Variants in MOBP observed in about 807,000 individuals in gnomAD.
MOBP encodes the protein myelin associated oligodendrocyte basic protein.
In MOBP, 5 loss-of-function variants were observed where a neutral mutation model predicts 15.0. That is an observed-to-expected ratio of 0.33 (90% confidence interval 0.17 to 0.70). The LOEUF is 0.70. Among genes scored for constraint, MOBP ranks in the 30% least tolerant of loss-of-function variants. The probability of loss-of-function intolerance (pLI) is 0.67; values close to 1 mark genes in which losing one functional copy is unlikely to be tolerated. For missense variants in MOBP, 188 were observed against 257.8 expected, an observed-to-expected ratio of 0.73 and a Z score of 1.85; for synonymous variants, 88 against 99.0, an observed-to-expected ratio of 0.89 and a Z score of 0.66.
chr3:39,494,503 AGT>A (rs1244641448), intron 2 of MOBP, among the ~76,000 whole-genome samples: 1 of 151,824 alleles, frequency 6.6e-6, no homozygotes, highest in Non-Finnish European at 1.5e-5. Flanking sequence ...GAGAGTTCAT[AGT>A]TATCTTTGCT....
At chr3:39,525,876 A>G (rs1230545985), downstream of MOBP, 1 of 152,332 alleles carries the variant, frequency 6.6e-6, no homozygotes, top group Non-Finnish European at 1.5e-5. Context: ...TCCAATATAA[A>G]GGCAGGGAAA....
chr3:39,484,547 A>C (rs890800883), intron 2 of MOBP, among the ~76,000 whole-genome samples: 3 of 152,192 alleles, frequency 2.0e-5, no homozygotes, highest in Non-Finnish European at 4.4e-5. Context: ...CCTGTAGAAA[A>C]TTGTGGGAAT....
intron 2 of MOBP, among the ~76,000 whole-genome samples, chr3:39,489,303 T>G (rs1364137854): frequency 6.6e-6 from 1 of 152,232 alleles, no homozygotes; most frequent in African/African-American, 2.4e-5. Context: ...CAGTCATACA[T>G]TGGATATACT....
downstream of MOBP, chr3:39,525,986 A>G (rs574066044): frequency 1.7e-4 from 26 of 152,424 alleles, no homozygotes; most frequent in African/African-American, 5.5e-4. Flanking sequence ...AGTGTTTCCA[A>G]TGATGGGATA....
chr3:39,502,431 T>TG lies in MOBP; in HGVS notation c.207-99dup. 6.6e-7 allele frequency: 1 copy of TG among 1,522,798 alleles called. No individual in the cohort carries two copies. The highest frequency in any genetic ancestry group is 8.8e-7 in the Non-Finnish European group (1 of 1,139,970). 94.3% of individuals were successfully genotyped at this position (1,522,798 alleles called of 1,614,324 possible). On this transcript the variant is annotated intron_variant, in intron 3 of 3. Coordinates refer to ENST00000684792, the MANE Select transcript of MOBP (RefSeq NM_001393704.1). The surrounding 1 kb of genome is among the most constrained non-coding windows in gnomAD (Gnocchi z 6.3). Reference sequence around the variant, plus strand: ...CACTCCAGGGAGACTGGAAGGTGGGTGGGGGAGCAGGGCCTTCCTACCTGT... The same window carrying TG: ...CACTCCAGGGAGACTGGAAGGTGGGTGGGGGGAGCAGGGCCTTCCTACCTGT...
chr3:39,523,383 C>T (rs1410660096), intron 3 of MOBP, among the ~76,000 whole-genome samples: 1 of 152,042 alleles, frequency 6.6e-6, no homozygotes, highest in East Asian at 1.9e-4. Flanking sequence ...TGATCATTGA[C>T]ATTGCCATAT....
chr3:39,469,018 ATG>A (rs1405520867), intron 1 of MOBP, among the ~76,000 whole-genome samples: 3 of 69,862 alleles, frequency 4.3e-5, no homozygotes, highest in African/African-American at 1.4e-4. Context: ...ATATATACAT[ATG>A]TGTGTATATA....
chr3:39,528,293 G>T (rs1427992882), downstream of MOBP: 1 of 152,180 alleles, frequency 6.6e-6, no homozygotes, highest in African/African-American at 2.4e-5. Flanking sequence ...TATGGAACAA[G>T]CTTATTTGTA....
At chr3:39,527,232 GCCCTCTGTGAA>G (rs933931348), downstream of MOBP, 3 of 152,072 alleles carry the variant, frequency 2.0e-5, no homozygotes, top group African/African-American at 7.2e-5. Flanking sequence ...TATATCCATG[GCCCTCTGTGAA>G]GCTAGAGTTT....
At chr3:39,477,507 C>G (rs552258117) in intron 1 of MOBP, among the ~76,000 whole-genome samples, 1 of 151,724 alleles carries the variant, frequency 6.6e-6, no homozygotes, top group Admixed American at 6.6e-5. Flanking sequence ...CAATTATGTA[C>G]AGTACATAAT....
intron 4 of MOBP, among the ~76,000 whole-genome samples, chr3:39,511,232 C>A (rs2043115471): frequency 6.6e-6 from 1 of 152,190 alleles, no homozygotes; most frequent in Admixed American, 6.5e-5. Flanking sequence ...GGGACAATCT[C>A]AGTCTTGGAG....
chr3:39,506,141 T>A (rs1462987398), downstream of MOBP, among the ~76,000 whole-genome samples: 3 of 152,112 alleles, frequency 2.0e-5, no homozygotes, highest in African/African-American at 7.2e-5. Flanking sequence ...CACTTCAGCC[T>A]TTGTATCTTG....
intron 2 of MOBP, among the ~76,000 whole-genome samples, chr3:39,494,796 C>CCA (rs1553618302): frequency 0.067 from 7,788 of 116,616 alleles, 518 homozygotes; most frequent in Non-Finnish European, 0.095. Flanking sequence ...CCCCCCGCCC[C>CCA]CCGAGTTACG....
chr3:39,493,859 G>A (rs543061499), intron 2 of MOBP, among the ~76,000 whole-genome samples: 4 of 152,264 alleles, frequency 2.6e-5, no homozygotes, highest in Non-Finnish European at 5.9e-5. Flanking sequence ...TAAAAGACAG[G>A]GGAAGGAACC....
At chr3:39,523,062 T>C (rs1470092333) in intron 3 of MOBP, among the ~76,000 whole-genome samples, 1 of 152,238 alleles carries the variant, frequency 6.6e-6, no homozygotes, top group Non-Finnish European at 1.5e-5. Flanking sequence ...TAGAAGTAGA[T>C]GACACAATGT....
chr3:39,502,355 AC>A lies in MOBP; in HGVS notation c.206+84del, dbSNP rs2125656407. The A allele has an allele frequency of 1.3e-6, 2 of 1,590,254 alleles. No homozygotes were observed. Among genetic ancestry groups the A allele is most frequent in the South Asian group, 2.3e-5 (2 of 88,524 alleles). The stretch of plus-strand genomic sequence containing the variant: ...TCCCAGCACGCCCCTCCCGCTCCGC[AC>A]CCCACTCTTCCCCCTAGTCGGCTCC... On this transcript the variant is annotated intron_variant, in intron 3 of 3. Coordinates refer to ENST00000684792, the MANE Select transcript of MOBP (RefSeq NM_001393704.1). This position sits in a 1 kb window ranked among gnomAD's most constrained non-coding sequence, Gnocchi z 6.3.
chr3:39,485,706 C>T (rs935741696), intron 2 of MOBP, among the ~76,000 whole-genome samples: 2 of 152,170 alleles, frequency 1.3e-5, no homozygotes, highest in African/African-American at 2.4e-5. Flanking sequence ...AGTGCGAGTC[C>T]AGTCAATGGT....
At chr3:39,481,727 CT>C (rs1364894613) in intron 2 of MOBP, among the ~76,000 whole-genome samples, 1 of 152,206 alleles carries the variant, frequency 6.6e-6, no homozygotes, top group Non-Finnish European at 1.5e-5. Context: ...TCAAATTCAA[CT>C]TCTGTTTCAA....
At chr3:39,515,449 C>T (rs9883430) in exon 5 of MOBP, 7,437 of 152,210 alleles carry the variant, frequency 0.049, 647 homozygotes, top group African/African-American at 0.17. Flanking sequence ...ACCTTTCCAG[C>T]GCTTTTCTAC....
Sources: gnomAD v4.1 joint callset for allele counts (sites outside exome capture counted in the v4.1 genomes callset) on GRCh38, gnomAD v4.1.1 for gene constraint, Gnocchi (gnomAD v3.1) non-coding constraint, MANE v1.5 for transcripts, NCBI Gene and HGNC (gene_info 2026-07-23, HGNC 2026-07-21) for gene names.